MTCL1: variants seen among roughly 807,000 people sequenced by gnomAD.
MTCL1 encodes the protein microtubule cross-linking factor 1.
In MTCL1, 79 loss-of-function variants were observed where a neutral mutation model predicts 141.4. The ratio of observed to expected loss-of-function variants is 0.56; its 90% CI spans 0.47 to 0.67. MTCL1 has a LOEUF of 0.67. Ranked by LOEUF, MTCL1 falls within the 30% of genes least tolerant of loss-of-function variation. The pLI, the probability that MTCL1 is intolerant of heterozygous loss-of-function variation, is 0.00. For synonymous variants in MTCL1, 914 were observed against 875.8 expected (o/e 1.04, Z -0.77); for missense variants, 2,177 against 2,113.9 (o/e 1.03, Z -0.59).
At chr18:8,756,369 GTGTATATA>G (rs767071261) in intron 4 of MTCL1, among the ~76,000 whole-genome samples, 15 of 149,468 alleles carry the variant, frequency 1.0e-4, no homozygotes, top group South Asian at 2.1e-4. Flanking sequence ...ATGTATATAT[GTGTATATA>G]TGTATATATG....
chr18:8,797,729 C>T (rs546193443), intron 9 of MTCL1, among the ~76,000 whole-genome samples: 9 of 152,318 alleles, frequency 5.9e-5, no homozygotes, highest in East Asian at 1.9e-4. Context: ...TCCAACTATC[C>T]GTGACATAGA....
rs180843604 is a variant in MTCL1 at position 8,803,203 on chromosome 18, G to A, written c.2437-3690G>A. ...AAGAAAAAGAAAAAGGCTTGGCAGG[G>A]TATAATGTCAGAATTCGAATATTCC... On this transcript the variant is annotated intron_variant, in intron 10 of 16. Transcript: ENST00000359865. Among the ~76,000 whole-genome samples the A allele has an allele frequency of 3.9e-5, 6 of 151,900 alleles. No homozygotes were observed. The East Asian group carries it at 9.6e-4, about 24-fold the overall frequency.
chr18:8,771,038 A>T lies in MTCL1; in HGVS notation c.358-6795A>T, dbSNP rs537580663. Among the ~76,000 whole-genome samples the T allele has an allele frequency of 2.0e-5, 3 of 152,328 alleles. No individual in the cohort carries two copies. In the East Asian group the frequency reaches 5.8e-4, roughly 29 times the overall value. Reference sequence around the variant, plus strand: ...TGAACAGGAGGAAGGGGGAGGAGGCATCTTCCAGCCAGGACATAGTGCCCG... The same window carrying T: ...TGAACAGGAGGAAGGGGGAGGAGGCTTCTTCCAGCCAGGACATAGTGCCCG... On this transcript the variant is annotated intron_variant, in intron 4 of 16. Transcript: ENST00000359865.
At chr18:8,732,035 G>A (rs550178219) in intron 4 of MTCL1, among the ~76,000 whole-genome samples, 1 of 152,146 alleles carries the variant, frequency 6.6e-6, no homozygotes, top group African/African-American at 2.4e-5. Flanking sequence ...ATTCTCTTGG[G>A]GTCTGTTGAA....
chr18:8,776,251 G>T (rs759010642), intron 4 of MTCL1, among the ~76,000 whole-genome samples: 3 of 152,182 alleles, frequency 2.0e-5, no homozygotes, highest in Non-Finnish European at 4.4e-5. Flanking sequence ...GGCCGGCAGA[G>T]CTCTGCTTCC....
exon 15 of MTCL1, chr18:8,824,766 A>G: frequency 6.2e-7 from 1 of 1,614,100 alleles, no homozygotes; most frequent in South Asian, 1.1e-5. Flanking sequence ...CCTGCCTGAG[A>G]AGGGCCTGCC....
chr18:8,792,409 C>T (rs1356407873), intron 7 of MTCL1, among the ~76,000 whole-genome samples: 1 of 152,182 alleles, frequency 6.6e-6, no homozygotes, highest in East Asian at 1.9e-4. Flanking sequence ...CAACATGTGC[C>T]GTTGGGAGGC....
chr18:8,819,474 T>A (rs1430710452), intron 13 of MTCL1, among the ~76,000 whole-genome samples: 1 of 152,224 alleles, frequency 6.6e-6, no homozygotes, highest in African/African-American at 2.4e-5. Context: ...TTTGCCCCCT[T>A]GTTTCAGGTT....
chr18:8,792,922 A>G (rs935616951), intron 7 of MTCL1, 76 bp from the exon 7 acceptor site: 1 of 1,574,082 alleles, frequency 6.4e-7, no homozygotes, highest in Non-Finnish European at 8.7e-7. Flanking sequence ...CAGCTTGTGC[A>G]GATGTCTGTC....
intron 10 of MTCL1, among the ~76,000 whole-genome samples, chr18:8,802,809 GAATGA>G (rs2076165849): frequency 6.6e-6 from 1 of 152,290 alleles, no homozygotes. Context: ...GCTGATCTCT[GAATGA>G]AAAGCCAGAT....
chr18:8,784,397 G>A lies in MTCL1; in HGVS notation c.1285G>A (p.Gly429Arg), dbSNP rs775152467. Residue 429 changes from glycine (G) to arginine (R), a missense_variant, in exon 6 of 17, where the codon GGG becomes AGG. Transcript: ENST00000359865. ...AATGTTTGAGAAGACGTCGGGCTTC[G>A]GGAGCGGGAAGCCATCGGAGGCCAG... is the stretch of plus-strand genomic sequence containing the variant. 10 of 1,527,082 alleles carry A rather than the reference G, an allele frequency of 6.5e-6. No individual in the cohort carries two copies. In the Admixed American group the frequency reaches 8.3e-5, roughly 13 times the overall value. 94.6% of individuals were successfully genotyped at this position (1,527,082 alleles called of 1,614,324 possible).
chr18:8,812,466 G>A (rs546790990), intron 11 of MTCL1, among the ~76,000 whole-genome samples: 50 of 152,228 alleles, frequency 3.3e-4, no homozygotes, highest in African/African-American at 1.1e-3. Flanking sequence ...GAATTCTCTC[G>A]TCTTTGTGCC....
upstream of MTCL1, among the ~76,000 whole-genome samples, chr18:8,713,954 C>T (rs559307998): frequency 1.3e-4 from 20 of 152,196 alleles, no homozygotes; most frequent in African/African-American, 3.9e-4. Flanking sequence ...TTAAAAAAAG[C>T]GGGGAAGGGG....
intron 12 of MTCL1, 70 bp downstream of exon 11, chr18:8,813,303 A>G (rs1004969659): frequency 9.2e-6 from 14 of 1,523,228 alleles, no homozygotes; most frequent in Non-Finnish European, 1.2e-5. Flanking sequence ...CCAGAAAGCA[A>G]AAGCACTAGG....
At chr18:8,804,039 A>G (rs563520765) in intron 10 of MTCL1, among the ~76,000 whole-genome samples, 1 of 152,162 alleles carries the variant, frequency 6.6e-6, no homozygotes, top group South Asian at 2.1e-4. Context: ...ACTACTCCAA[A>G]ATCTGGATCA....
chr18:8,711,683 G>A (rs556903070), intron 1 of MTCL1, among the ~76,000 whole-genome samples: 2 of 150,472 alleles, frequency 1.3e-5, no homozygotes, highest in South Asian at 2.1e-4. Context: ...CTGCATAAAT[G>A]TCTTCTTTTG....
In MTCL1 at chr18:8,705,818, ACGCCCGGCCCGCCG is replaced by A. The variant is rs2096056928; in HGVS notation, c.170_183del (p.Ala57GlyfsTer153). 5 of 1,184,314 alleles carry A rather than the reference ACGCCCGGCCCGCCG, an allele frequency of 4.2e-6. No homozygotes were observed. Among genetic ancestry groups the A allele is most frequent in the South Asian group, 4.2e-5 (1 of 23,950 alleles). 73.4% of individuals were successfully genotyped at this position (1,184,314 alleles called of 1,614,324 possible). The stretch of plus-strand genomic sequence containing the variant: ...GCCAGACCCTTCCTCAAGGACCTGC[ACGCCCGGCCCGCCG>A]CGCCCGGCCCGGCCGTCCCCTCCTC... On this transcript the variant is annotated frameshift_variant, in exon 1 of 14. Transcript: ENST00000306329. LOFTEE classifies it high-confidence loss of function. The surrounding 1 kb of genome is among the most constrained non-coding windows in gnomAD (Gnocchi z 5.2).
intron 6 of MTCL1, among the ~76,000 whole-genome samples, 169 bp downstream of exon 5, chr18:8,785,012 G>GTTTT: frequency 6.9e-6 from 1 of 145,960 alleles, no homozygotes; most frequent in Non-Finnish European, 1.5e-5. Flanking sequence ...GTTGGGCTCC[G>GTTTT]TTTTTTTTGT....
At chr18:8,783,993 A>C (rs1210942923) in exon 6 of MTCL1, 2 of 1,613,706 alleles carry the variant, frequency 1.2e-6, no homozygotes, top group South Asian at 2.2e-5. Flanking sequence ...TCCATCTCCG[A>C]GATCGAAGAC....
Sources: allele counts gnomAD v4.1 joint callset (sites outside exome capture counted in the v4.1 genomes callset), GRCh38; gene constraint gnomAD v4.1.1; non-coding constraint Gnocchi (gnomAD v3.1); transcripts MANE v1.5; gene names NCBI Gene and HGNC (gene_info 2026-07-23, HGNC 2026-07-21).